FHOD1: variants seen among roughly 807,000 people sequenced by gnomAD.
The protein encoded by FHOD1 is formin homology 2 domain containing 1.
FHOD1 carries 89 observed loss-of-function variants against 111.6 expected under a neutral mutation model. The ratio of observed to expected loss-of-function variants is 0.80; its 90% CI spans 0.67 to 0.95. The LOEUF (loss-of-function observed/expected upper bound fraction) is 0.95. Ranked by LOEUF, FHOD1 falls within the 40% of genes least tolerant of loss-of-function variation. FHOD1 has a pLI of 0.00. For synonymous variants in FHOD1, 618 were observed against 639.0 expected (o/e 0.97, Z 0.50); for missense variants, 1,446 against 1,554.2 (o/e 0.93, Z 1.17).
intron 2 of FHOD1, 67 bp from the exon 3 acceptor site, chr16:67,239,034 G>T: frequency 6.6e-7 from 1 of 1,520,942 alleles, no homozygotes; most frequent in East Asian, 2.3e-5. Flanking sequence ...ACAAGCCAAG[G>T]GAGCCAAAGA....
intron 1 of FHOD1, among the ~76,000 whole-genome samples, chr16:67,245,804 T>C (rs928237104): frequency 6.6e-6 from 1 of 151,780 alleles, no homozygotes; most frequent in Non-Finnish European, 1.5e-5. Context: ...AGTTGCAGGA[T>C]GAGAGGAATA....
intron 17 of FHOD1, 188 bp from the exon 18 acceptor site, chr16:67,230,979 G>A (rs1005991379): frequency 1.9e-5 from 16 of 834,458 alleles, no homozygotes; most frequent in Admixed American, 2.9e-5. Flanking sequence ...ACTGGGGGAA[G>A]TGGCAGTTAA....
Position 67,229,770 on chromosome 16 carries a change from TG to T in FHOD1, c.3412+22del, listed in dbSNP as rs1597312561. 10 of 1,613,902 alleles carry T rather than the reference TG, an allele frequency of 6.2e-6. No homozygotes were observed. The East Asian group carries it at 2.2e-4, about 36-fold the overall frequency. On this transcript the variant is annotated intron_variant, in intron 21 of 21. Coordinates refer to ENST00000258201, the MANE Select transcript of FHOD1 (RefSeq NM_013241.3). ...GGGTTGATGGGGTTCAGGTGGGCAGTGGGATTGTGGGGGGTTACTTACAAGA... is the reference window on the plus strand; with the variant it reads ...GGGTTGATGGGGTTCAGGTGGGCAGTGGATTGTGGGGGGTTACTTACAAGA...
At position 67,238,572 on chromosome 16, in the gene FHOD1, T is replaced by G. The variant is rs1012587160; in HGVS notation, c.374-125A>C. The G allele has an allele frequency of 1.1e-6, 1 of 937,808 alleles. No homozygotes were observed. The highest frequency in any genetic ancestry group is 1.7e-6 in the Non-Finnish European group (1 of 597,154). The allele number at this position is 937,808 out of a possible 1,614,324, so 58.1% of individuals were successfully genotyped here. ...ATATGTTTTGGTCTGAGAGACAGGG[T>G]CTCACTCTGTCACTCAGGCTGGAGT... is the stretch of plus-strand genomic sequence containing the variant. On this transcript the variant is annotated intron_variant, in intron 3 of 21. Coordinates refer to ENST00000258201, the MANE Select transcript of FHOD1 (RefSeq NM_013241.3). The surrounding 1 kb of genome is among the most constrained non-coding windows in gnomAD (Gnocchi z 4.2).
rs779259038 is a variant in FHOD1 at position 67,229,784 on chromosome 16, G to A, written c.3412+9C>T. The A allele has an allele frequency of 1.9e-6, 3 of 1,614,202 alleles. No individual in the cohort carries two copies. The highest frequency in any genetic ancestry group is 2.2e-5 in the East Asian group (1 of 44,890). ...CAGGTGGGCAGTGGGATTGTGGGGG[G>A]TTACTTACAAGACTTGCGGTTGCCG... On this transcript the variant is annotated intron_variant, in intron 21 of 21. Coordinates refer to ENST00000258201, the MANE Select transcript of FHOD1 (RefSeq NM_013241.3).
chr16:67,236,583 G>A lies in FHOD1; in HGVS notation c.1293C>T (p.Asp431=), dbSNP rs760144450. Residue 431 remains aspartate, a synonymous_variant, in exon 11 of 22, where the codon GAC becomes GAT. Transcript: ENST00000258201. The stretch of plus-strand genomic sequence containing the variant: ...TGTAGATGCTCCTCTCGCTGGAGGT[G>A]TCAGCTGAGGGTGCCACAGAGATGG... ...FPTISVAPSA[D]TSSERSIYKA... is the part of the protein sequence containing the mutation. 28 of 1,613,656 alleles carry A rather than the reference G, an allele frequency of 1.7e-5. No homozygotes were observed. In the South Asian group the frequency reaches 3.1e-4, roughly 18 times the overall value.
At chr16:67,239,483 T>G in intron 1 of FHOD1, 29 bp from the exon 2 acceptor site, 1 of 1,562,700 alleles carries the variant, frequency 6.4e-7, no homozygotes, top group South Asian at 1.1e-5. Context: ...GCTGTGAGAC[T>G]GAGGAAGAGG....
intron 1 of FHOD1, among the ~76,000 whole-genome samples, chr16:67,240,253 G>A (rs1019879990): frequency 5.3e-5 from 8 of 152,190 alleles, no homozygotes; most frequent in African/African-American, 1.4e-4. Context: ...TAGGCCAGGC[G>A]TGGTGGCTCA....
chr16:67,241,643 G>A (rs993596100), intron 1 of FHOD1, among the ~76,000 whole-genome samples: 3 of 151,890 alleles, frequency 2.0e-5, no homozygotes, highest in African/African-American at 4.9e-5. Context: ...TGGGGCAGAC[G>A]GGAAGACAGA....
chr16:67,233,274 C>T (rs1331499020), intron 13 of FHOD1, among the ~76,000 whole-genome samples: 2 of 151,878 alleles, frequency 1.3e-5, no homozygotes, highest in Non-Finnish European at 2.9e-5. Flanking sequence ...TTAGTAGAGA[C>T]GGGGTTTTGC....
intron 18 of FHOD1, 24 bp downstream of exon 18, chr16:67,230,577 C>T: frequency 1.9e-6 from 3 of 1,613,642 alleles, no homozygotes; most frequent in Non-Finnish European, 2.5e-6. Flanking sequence ...GGCCGTCCTG[C>T]CTCTCTTGGG....
At chr16:67,244,665 TC>T (rs2034761544) in intron 1 of FHOD1, among the ~76,000 whole-genome samples, 1 of 151,910 alleles carries the variant, frequency 6.6e-6, no homozygotes, top group Non-Finnish European at 1.5e-5. Flanking sequence ...CCTCTGTACA[TC>T]CCCAGGGAGG....
intron 1 of FHOD1, among the ~76,000 whole-genome samples, chr16:67,242,401 G>A (rs1461190449): frequency 6.6e-6 from 1 of 152,224 alleles, no homozygotes; most frequent in Non-Finnish European, 1.5e-5. Context: ...ACCCCCAGCT[G>A]TCTGTCCTGG....
rs1316353528 is a variant in FHOD1 at position 67,247,203 on chromosome 16, C to G, written c.201+7G>C. On this transcript the variant is annotated splice_region_variant and intron_variant, in intron 1 of 21. Transcript: ENST00000258201. ...GATCGCCCCAACCTTTCTCCGGCCT[C>G]CCTCACCTTGAGCGGCGCTCCCAGC... The G allele has an allele frequency of 1.2e-5, 19 of 1,554,546 alleles. No individual in the cohort carries two copies. Among genetic ancestry groups the G allele is most frequent in the Non-Finnish European group, 1.6e-5 (19 of 1,154,054 alleles).
chr16:67,233,235 C>T (rs974033353), intron 13 of FHOD1, among the ~76,000 whole-genome samples: 7 of 151,554 alleles, frequency 4.6e-5, no homozygotes, highest in Admixed American at 1.3e-4. Context: ...TACAGGTGCC[C>T]GCCACCACGC....
At chr16:67,240,896 C>T (rs2034645063) in intron 1 of FHOD1, among the ~76,000 whole-genome samples, 1 of 152,234 alleles carries the variant, frequency 6.6e-6, no homozygotes, top group South Asian at 2.1e-4. Flanking sequence ...TGGTCTCCAT[C>T]TTACTGGGCA....
At chr16:67,242,806 A>G (rs964897364) in intron 1 of FHOD1, among the ~76,000 whole-genome samples, 2 of 152,010 alleles carry the variant, frequency 1.3e-5, no homozygotes, top group African/African-American at 2.4e-5. Context: ...CCCAAAACCA[A>G]CTGGTTATGT....
At chr16:67,235,199 T>A (rs934711296) in intron 11 of FHOD1, among the ~76,000 whole-genome samples, 20 of 152,176 alleles carry the variant, frequency 1.3e-4, no homozygotes, top group Admixed American at 1.3e-3. Context: ...TCCCTTGGCA[T>A]GTCTGGTAGC....
In FHOD1 at chr16:67,238,249, C is replaced by T. The variant is rs762232923; in HGVS notation, c.500G>A (p.Arg167His). 8.1e-6 allele frequency: 13 copies of T among 1,614,058 alleles called. No individual in the cohort carries two copies. The highest frequency in any genetic ancestry group is 4.5e-5 in the East Asian group (2 of 44,888). ...VHSEGLSCLIRVGAAADHNYQ... is the reference protein window; with the variant it reads ...VHSEGLSCLIHVGAAADHNYQ... ...GTTGTGGTCGGCAGCAGCACCCACACGGATCAGGCAGCTCAGCCCCTCTGA... is the reference window on the plus strand; with the variant it reads ...GTTGTGGTCGGCAGCAGCACCCACATGGATCAGGCAGCTCAGCCCCTCTGA... The change falls in exon 5 of 22, where the codon CGT becomes CAT. Residue 167 changes from arginine to histidine, a missense_variant. Around this residue, in one of 3 missense-constraint regions of FHOD1, gnomAD observed 234 missense variants for 327.4 expected, o/e 0.71. Coordinates refer to ENST00000258201, the MANE Select transcript of FHOD1 (RefSeq NM_013241.3). The surrounding 1 kb of genome is among the most constrained non-coding windows in gnomAD (Gnocchi z 4.2).
Sources: gnomAD v4.1 joint callset for allele counts (sites outside exome capture counted in the v4.1 genomes callset) on GRCh38, gnomAD v4.1.1 for gene constraint, gnomAD v4.1.1 regional missense constraint, Gnocchi (gnomAD v3.1) non-coding constraint, MANE v1.5 for transcripts, NCBI Gene and HGNC (gene_info 2026-07-23, HGNC 2026-07-21) for gene names.